ANKS1A: variants seen among roughly 807,000 people sequenced by gnomAD.
The protein encoded by ANKS1A is ankyrin repeat and SAM domain-containing protein 1A.
Under a neutral mutation model 120.3 loss-of-function variants are expected in ANKS1A, and 55 were observed. The observed-to-expected ratio is 0.46, with a 90% CI of 0.37 to 0.57. ANKS1A has a LOEUF of 0.57. Ranked by LOEUF, ANKS1A falls within the 20% of genes least tolerant of loss-of-function variation. ANKS1A has a pLI of 0.00. For missense variants in ANKS1A, 1,123 were observed against 1,480.3 expected (o/e 0.76, Z 3.96); for synonymous variants, 590 against 604.7 (o/e 0.98, Z 0.36).
intron 10 of ANKS1A, among the ~76,000 whole-genome samples, chr6:35,007,297 T>A (rs1054800644): frequency 3.3e-5 from 5 of 152,196 alleles, no homozygotes; most frequent in African/African-American, 1.2e-4. Flanking sequence ...AAACAAAAGC[T>A]GGCAGAAGTG....
At chr6:35,018,133 C>G in intron 11 of ANKS1A, 74 bp downstream of exon 11, 1 of 1,447,602 alleles carries the variant, frequency 6.9e-7, no homozygotes, top group Non-Finnish European at 9.5e-7. Context: ...CCCGTGAGTG[C>G]CAACTCTCAG....
rs9462044 is a variant in ANKS1A at position 35,039,411 on chromosome 6, G to A, written c.2011-14688G>A. On this transcript the variant is annotated intron_variant, in intron 11 of 23. Transcript: ENST00000360359. ...GTGGTTTCTCCATGTTGGTCAGGCT[G>A]GTCTTGAACTCCCGACCTCAGGTGA... Among the ~76,000 whole-genome samples, 373 of 152,150 alleles carry A rather than the reference G, an allele frequency of 2.5e-3. 3 individuals carry two copies. Among genetic ancestry groups the A allele is most frequent in the African/African-American group, 8.5e-3 (351 of 41,514 alleles).
intron 1 of ANKS1A, among the ~76,000 whole-genome samples, chr6:34,921,852 T>C (rs1768448398): frequency 6.6e-6 from 1 of 152,126 alleles, no homozygotes; most frequent in Non-Finnish European, 1.5e-5. Flanking sequence ...CACACCGCCA[T>C]GCCCAGCTAA....
intron 11 of ANKS1A, among the ~76,000 whole-genome samples, chr6:35,025,204 G>A (rs1774554094): frequency 6.6e-6 from 1 of 151,210 alleles, no homozygotes; most frequent in African/African-American, 2.4e-5. Flanking sequence ...AACAGTTTTG[G>A]CCTTTCTATC....
intron 1 of ANKS1A, among the ~76,000 whole-genome samples, chr6:34,936,286 G>C (rs2127478524): frequency 6.6e-6 from 1 of 152,212 alleles, no homozygotes; most frequent in East Asian, 1.9e-4. Context: ...GACCTCCACT[G>C]TCACTGAGGT....
chr6:35,017,062 G>A (rs1396682302), intron 10 of ANKS1A, among the ~76,000 whole-genome samples: 1 of 151,092 alleles, frequency 6.6e-6, no homozygotes, highest in Non-Finnish European at 1.5e-5. Flanking sequence ...CCCTGCTCGC[G>A]CTTGCTCACT....
At chr6:35,023,739 C>A in intron 11 of ANKS1A, 2 of 348,166 alleles carry the variant, frequency 5.7e-6, no homozygotes, top group East Asian at 7.7e-5. Flanking sequence ...ATTTCTTCTC[C>A]CAGAATATAG....
rs771193940 is a variant in ANKS1A at position 35,078,605 on chromosome 6, C to T, written c.2232C>T (p.Ser744=). ...EEQDLRDIGI[S]DPQHRRKLLQ... Reference sequence around the variant, plus strand: ...AGGACCTGCGGGACATCGGCATCAGCGACCCACAGCACCGGCGGAAGCTGC... The same window carrying T: ...AGGACCTGCGGGACATCGGCATCAGTGACCCACAGCACCGGCGGAAGCTGC... Residue 744 remains serine, a synonymous_variant, in exon 14 of 24, where the codon AGC becomes AGT. Coordinates refer to ENST00000360359, the MANE Select transcript of ANKS1A (RefSeq NM_015245.3). 2.0e-5 allele frequency: 32 copies of T among 1,607,712 alleles called. No individual in the cohort carries two copies. The highest frequency in any genetic ancestry group is 1.2e-4 in the African/African-American group (9 of 74,902).
At chr6:34,961,226 C>T (rs1000489621) in intron 1 of ANKS1A, among the ~76,000 whole-genome samples, 2 of 152,076 alleles carry the variant, frequency 1.3e-5, no homozygotes, top group Non-Finnish European at 2.9e-5. Flanking sequence ...TTTAGAAAAC[C>T]TAATAGGACA....
chr6:34,976,698 C>T (rs564580304), intron 3 of ANKS1A, among the ~76,000 whole-genome samples: 5 of 151,670 alleles, frequency 3.3e-5, no homozygotes, highest in South Asian at 4.2e-4. Flanking sequence ...AGAATAATGC[C>T]ATGAACTATG....
chr6:34,922,636 T>G (rs915860636), intron 1 of ANKS1A, among the ~76,000 whole-genome samples: 1 of 151,762 alleles, frequency 6.6e-6, no homozygotes, highest in Admixed American at 6.6e-5. Flanking sequence ...GTTGACTGTG[T>G]CCCTGTGAGC....
In ANKS1A at chr6:35,079,458, C is replaced by T. The variant is rs991466390; in HGVS notation, c.2284-58C>T. ...GTGAGCTGGCTGGGTCCATGGTCCT[C>T]GGGTCCCTCTCCTGTGAGTGCTGAG... On this transcript the variant is annotated intron_variant, in intron 14 of 23. Coordinates refer to ENST00000360359, the MANE Select transcript of ANKS1A (RefSeq NM_015245.3). 1.1e-5 allele frequency: 18 copies of T among 1,598,744 alleles called. No homozygotes were observed. In the African/African-American group the frequency reaches 1.3e-4, roughly 12 times the overall value.
At chr6:35,051,509 C>T (rs1349614174) in intron 11 of ANKS1A, among the ~76,000 whole-genome samples, 3 of 152,184 alleles carry the variant, frequency 2.0e-5, no homozygotes, top group Admixed American at 6.5e-5. Flanking sequence ...TTCCCCAGCA[C>T]GCTGCATGGC....
At chr6:34,960,265 C>G (rs979203544) in intron 1 of ANKS1A, among the ~76,000 whole-genome samples, 3 of 152,138 alleles carry the variant, frequency 2.0e-5, no homozygotes, top group African/African-American at 7.2e-5. Flanking sequence ...TCCTTTTTAT[C>G]CCCTTCCTTT....
At chr6:34,899,674 G>T (rs758162943) in intron 1 of ANKS1A, among the ~76,000 whole-genome samples, 5 of 152,210 alleles carry the variant, frequency 3.3e-5, no homozygotes, top group Non-Finnish European at 5.9e-5. Flanking sequence ...GTTTACCTGA[G>T]TGTCTGAAAG....
the ANKS1A span, among the ~76,000 whole-genome samples, chr6:35,097,434 A>AGGAG: frequency 6.6e-6 from 1 of 151,788 alleles, no homozygotes; most frequent in Non-Finnish European, 1.5e-5. Context: ...GCTTGAACCC[A>AGGAG]GGAGGCAGAG....
chr6:35,040,128 A>G (rs546055411), intron 11 of ANKS1A, among the ~76,000 whole-genome samples: 1 of 152,316 alleles, frequency 6.6e-6, no homozygotes, highest in African/African-American at 2.4e-5. Flanking sequence ...CAGGCCATAG[A>G]AGGTATCTTC....
intron 3 of ANKS1A, among the ~76,000 whole-genome samples, chr6:34,973,105 A>G (rs761116772): frequency 4.2e-4 from 64 of 152,224 alleles, no homozygotes; most frequent in Admixed American, 2.1e-3. Flanking sequence ...TCAGGTTTCA[A>G]TAGCTAATGG....
rs1769971478 is a variant in ANKS1A, at chr6:34,949,649, C to T, written c.198-17590C>T. Among the ~76,000 whole-genome samples, 3 of 152,266 alleles carry T rather than the reference C, an allele frequency of 2.0e-5. No homozygotes were observed. The South Asian group carries it at 6.2e-4, about 32-fold the overall frequency. On this transcript the variant is annotated intron_variant, in intron 1 of 23. Coordinates refer to ENST00000360359, the MANE Select transcript of ANKS1A (RefSeq NM_015245.3). ...GGATTTAGTGACCCTCAAATTGACTCATTGACTTCCCCTAACCTCAGCCAT... is the reference window on the plus strand; with the variant it reads ...GGATTTAGTGACCCTCAAATTGACTTATTGACTTCCCCTAACCTCAGCCAT...
Sources: allele counts gnomAD v4.1 joint callset (sites outside exome capture counted in the v4.1 genomes callset), GRCh38; gene constraint gnomAD v4.1.1; transcripts MANE v1.5; gene names NCBI Gene and HGNC (gene_info 2026-07-23, HGNC 2026-07-21).